Variants in LRP1B observed in about 807,000 individuals in gnomAD.
The protein encoded by LRP1B is LDL receptor related protein 1B, also known as low-density lipoprotein receptor-related protein 1B.
In LRP1B, 217 loss-of-function variants were observed where a neutral mutation model predicts 556.6. The observed-to-expected ratio is 0.39, with a 90% CI of 0.35 to 0.44. The LOEUF is 0.44. LRP1B is among the 20% of genes least tolerant of loss of function. The pLI is 1.00. For missense variants in LRP1B, 5,053 were observed against 5,620.8 expected (o/e 0.90, Z 3.23); for synonymous variants, 2,047 against 1,865.8 (o/e 1.10, Z -2.50).
intron 39 of LRP1B, 26 bp from the exon 40 acceptor site, chr2:140,701,871 T>C (rs755925632): frequency 6.2e-7 from 1 of 1,612,004 alleles, no homozygotes; most frequent in Non-Finnish European, 8.5e-7. Flanking sequence ...ACATACATGA[T>C]CAACAATCTT....
At chr2:141,183,689 T>A (rs780525168) in intron 7 of LRP1B, among the ~76,000 whole-genome samples, 30 of 152,012 alleles carry the variant, frequency 2.0e-4, no homozygotes, top group Non-Finnish European at 1.5e-4. Flanking sequence ...GGGTATATGT[T>A]GTCCTTGGAA....
chr2:140,952,323 A>T (rs1329953203), intron 18 of LRP1B, among the ~76,000 whole-genome samples: 1 of 152,138 alleles, frequency 6.6e-6, no homozygotes, highest in Non-Finnish European at 1.5e-5. Context: ...ATGCTTTAAT[A>T]GTGGAAGGCC....
intron 76 of LRP1B, among the ~76,000 whole-genome samples, 166 bp from the exon 77 acceptor site, chr2:140,351,204 G>A (rs947068518): frequency 2.6e-5 from 4 of 151,792 alleles, no homozygotes; most frequent in African/African-American, 9.7e-5. Flanking sequence ...TATTATTTCT[G>A]ATACTCACTT....
chr2:140,894,635 G>A (rs1305893889), intron 23 of LRP1B, among the ~76,000 whole-genome samples: 1 of 151,986 alleles, frequency 6.6e-6, no homozygotes, highest in African/African-American at 2.4e-5. Context: ...TGATATCCGG[G>A]GAAGTAGAAT....
chr2:140,862,781 A>G (rs1692836236), intron 27 of LRP1B, among the ~76,000 whole-genome samples: 1 of 152,208 alleles, frequency 6.6e-6, no homozygotes, highest in African/African-American at 2.4e-5. Flanking sequence ...TGAGTATATG[A>G]ATTAGTATAC....
At chr2:141,332,221 AT>A (rs1687680739) in intron 3 of LRP1B, among the ~76,000 whole-genome samples, 1 of 152,054 alleles carries the variant, frequency 6.6e-6, no homozygotes, top group Non-Finnish European at 1.5e-5. Context: ...GACTTGTTAC[AT>A]TAATTAATTT....
chr2:141,470,273 T>A (rs2105066433), intron 3 of LRP1B, among the ~76,000 whole-genome samples: 1 of 152,296 alleles, frequency 6.6e-6, no homozygotes, highest in Admixed American at 6.5e-5. Context: ...AATGAACAGT[T>A]CCCTTCCACA....
At chr2:140,637,750 G>T (rs897438406) in intron 41 of LRP1B, among the ~76,000 whole-genome samples, 1 of 152,130 alleles carries the variant, frequency 6.6e-6, no homozygotes, top group Non-Finnish European at 1.5e-5. Flanking sequence ...AGCTGCTTTT[G>T]AATGGCTCAA....
At chr2:140,369,908 A>G (rs1046132060) in intron 71 of LRP1B, among the ~76,000 whole-genome samples, 4 of 152,016 alleles carry the variant, frequency 2.6e-5, no homozygotes, top group Non-Finnish European at 4.4e-5. Context: ...TGATCTTCCA[A>G]ATACCAAGAA....
intron 76 of LRP1B, among the ~76,000 whole-genome samples, chr2:140,352,277 G>A (rs1436416453): frequency 6.6e-6 from 1 of 152,096 alleles, no homozygotes; most frequent in Non-Finnish European, 1.5e-5. Context: ...CTGGGTTGAA[G>A]CGATTCTCCT....
At chr2:140,780,597 C>A (rs1445798464) in intron 32 of LRP1B, among the ~76,000 whole-genome samples, 1 of 152,134 alleles carries the variant, frequency 6.6e-6, no homozygotes, top group Non-Finnish European at 1.5e-5. Flanking sequence ...CCCAATGGGT[C>A]TTGAGCAGAA....
intron 1 of LRP1B, among the ~76,000 whole-genome samples, chr2:142,072,836 A>G (rs1467476654): frequency 6.6e-6 from 1 of 152,072 alleles, no homozygotes; most frequent in Non-Finnish European, 1.5e-5. Flanking sequence ...AATATAATTG[A>G]ATAGAAGTTT....
Position 140,452,964 on chromosome 2 carries a change from T to G in LRP1B, c.9964-2303A>C, listed in dbSNP as rs1289349205. Among the ~76,000 whole-genome samples, 687 of 149,062 alleles carry G rather than the reference T, an allele frequency of 4.6e-3. 2 individuals are homozygous for G. Among genetic ancestry groups the G allele is most frequent in the African/African-American group, 0.015 (629 of 40,780 alleles). The stretch of plus-strand genomic sequence containing the variant: ...TGTCTGTTGTGTGTGTGTGTGTGTT[T>G]TTTTTTTTTTTTTTTATAAAATAGG... On this transcript the variant is annotated intron_variant, in intron 62 of 90. Transcript: ENST00000389484.
intron 41 of LRP1B, among the ~76,000 whole-genome samples, chr2:140,615,720 TTTGC>T (rs1429492902): frequency 1.3e-5 from 2 of 151,954 alleles, no homozygotes; most frequent in African/African-American, 4.8e-5. Context: ...TGAAATTCCA[TTTGC>T]TTTGAACAAA....
chr2:140,642,386 C>T (rs2105301981), intron 41 of LRP1B, among the ~76,000 whole-genome samples: 1 of 152,250 alleles, frequency 6.6e-6, no homozygotes, highest in Non-Finnish European at 1.5e-5. Flanking sequence ...CGTGCACGAG[C>T]ATCTAACTAC....
chr2:142,015,991 C>CAA (rs70994471), intron 1 of LRP1B, among the ~76,000 whole-genome samples: 9 of 38,794 alleles, frequency 2.3e-4, no homozygotes, highest in African/African-American at 4.1e-4. Flanking sequence ...GACTCCATCT[C>CAA]AAAAAAAAAA....
chr2:141,341,184 G>T (rs1559016917), intron 3 of LRP1B, among the ~76,000 whole-genome samples: 1 of 152,176 alleles, frequency 6.6e-6, no homozygotes, highest in Admixed American at 6.5e-5. Flanking sequence ...ATCTGCAGAT[G>T]AAGTAGTGTT....
chr2:140,803,866 C>G (rs2105014517), intron 32 of LRP1B, among the ~76,000 whole-genome samples: 1 of 130,690 alleles, frequency 7.7e-6, no homozygotes, highest in African/African-American at 2.8e-5. Context: ...ACCCCTCCCC[C>G]ACCCCCCCAA....
chr2:141,605,352 G>C (rs913991712), intron 2 of LRP1B, among the ~76,000 whole-genome samples: 1 of 151,832 alleles, frequency 6.6e-6, no homozygotes, highest in East Asian at 1.9e-4. Flanking sequence ...AAAAAATGCT[G>C]ACACCTAATT....
Sources: allele counts gnomAD v4.1 joint callset (sites outside exome capture counted in the v4.1 genomes callset), GRCh38; gene constraint gnomAD v4.1.1; transcripts MANE v1.5; gene names NCBI Gene and HGNC (gene_info 2026-07-23, HGNC 2026-07-21).